SLC24A3: variants seen among roughly 807,000 people sequenced by gnomAD.
The protein encoded by SLC24A3 is sodium/potassium/calcium exchanger 3.
In SLC24A3, 28 loss-of-function variants were observed where a neutral mutation model predicts 75.8. The ratio of observed to expected loss-of-function variants is 0.37; its 90% CI spans 0.27 to 0.51. SLC24A3 has a LOEUF of 0.51. Among genes scored for constraint, SLC24A3 ranks in the 20% least tolerant of loss-of-function variants. The pLI is 0.94. For synonymous variants in SLC24A3, 372 were observed against 334.1 expected (o/e 1.11, Z -1.24); for missense variants, 663 against 847.8 (o/e 0.78, Z 2.71).
intron 2 of SLC24A3, among the ~76,000 whole-genome samples, chr20:19,367,851 T>C (rs1011891884): frequency 5.3e-5 from 8 of 152,218 alleles, no homozygotes; most frequent in African/African-American, 1.9e-4. Flanking sequence ...AAGCTAGTTC[T>C]GTTTTGGAAT....
chr20:19,424,810 A>C (rs543699217), intron 2 of SLC24A3, among the ~76,000 whole-genome samples: 1 of 149,970 alleles, frequency 6.7e-6, no homozygotes, highest in South Asian at 2.1e-4. Flanking sequence ...ACATTATCTT[A>C]CATAACCACA....
At chr20:19,319,258 C>T (rs916763543) in intron 2 of SLC24A3, among the ~76,000 whole-genome samples, 7 of 152,114 alleles carry the variant, frequency 4.6e-5, no homozygotes, top group South Asian at 2.1e-4. Flanking sequence ...ATTTTTGCTC[C>T]GTAAATATGC....
At chr20:19,369,793 A>G (rs2122354399) in intron 2 of SLC24A3, among the ~76,000 whole-genome samples, 1 of 152,312 alleles carries the variant, frequency 6.6e-6, no homozygotes, top group Admixed American at 6.5e-5. Flanking sequence ...TTGGGGCCTC[A>G]AAGGAACTGT....
chr20:19,541,278 G>A (rs570051219), intron 3 of SLC24A3, among the ~76,000 whole-genome samples: 13 of 152,190 alleles, frequency 8.5e-5, no homozygotes, highest in South Asian at 2.1e-4. Flanking sequence ...GCGGGGAGAC[G>A]TCTCTGGAAG....
chr20:19,713,496 T>C (rs2033011407), intron 15 of SLC24A3, among the ~76,000 whole-genome samples: 1 of 152,238 alleles, frequency 6.6e-6, no homozygotes, highest in Non-Finnish European at 1.5e-5. Flanking sequence ...ACTGGCCTCC[T>C]TATAATGCAT....
intron 2 of SLC24A3, among the ~76,000 whole-genome samples, chr20:19,383,712 C>G (rs1178651913): frequency 6.6e-6 from 1 of 152,184 alleles, no homozygotes; most frequent in Non-Finnish European, 1.5e-5. Context: ...TTCTTTCTCA[C>G]AGTTCTGGAG....
At chr20:19,317,570 C>G (rs1398548934) in intron 2 of SLC24A3, among the ~76,000 whole-genome samples, 1 of 152,190 alleles carries the variant, frequency 6.6e-6, no homozygotes, top group Non-Finnish European at 1.5e-5. Flanking sequence ...TCCTGTGACC[C>G]CAAAGGGTAA....
chr20:19,279,622 G>A (rs1983596805), intron 1 of SLC24A3, among the ~76,000 whole-genome samples: 1 of 151,988 alleles, frequency 6.6e-6, no homozygotes, highest in Admixed American at 6.6e-5. Flanking sequence ...GAAGGATATT[G>A]TGTTCTTCCA....
rs2033114723 is a variant in SLC24A3, at chr20:19,722,515, A to T, written c.*1375A>T. 6.5e-6 allele frequency: 1 copy of T among 152,692 alleles called. No individual in the cohort carries two copies. 9.5% of individuals were successfully genotyped at this position (152,692 alleles called of 1,614,324 possible). A position where few individuals can be genotyped will look rare whatever the true frequency, so the allele number is the denominator to read the frequency against. On this transcript the variant is annotated 3_prime_UTR_variant, in exon 17 of 17. Coordinates refer to ENST00000328041, the MANE Select transcript of SLC24A3 (RefSeq NM_020689.4). ...TGTATGATGCTGAATTATTATGCAGACTAATTCCACCCAGTTGAGACACAC... is the reference window on the plus strand; with the variant it reads ...TGTATGATGCTGAATTATTATGCAGTCTAATTCCACCCAGTTGAGACACAC...
chr20:19,477,970 A>G (rs1370206378), intron 2 of SLC24A3, among the ~76,000 whole-genome samples: 1 of 152,206 alleles, frequency 6.6e-6, no homozygotes, highest in Non-Finnish European at 1.5e-5. Context: ...CCAGAAATAG[A>G]ATGCCCAGGT....
intron 3 of SLC24A3, among the ~76,000 whole-genome samples, chr20:19,545,204 A>G (rs1452691533): frequency 6.6e-6 from 1 of 152,220 alleles, no homozygotes; most frequent in Non-Finnish European, 1.5e-5. Flanking sequence ...GTGGGTGAGA[A>G]GGCAGCACAT....
chr20:19,578,896 C>T (rs182378433), intron 3 of SLC24A3, among the ~76,000 whole-genome samples: 1 of 152,096 alleles, frequency 6.6e-6, no homozygotes, highest in African/African-American at 2.4e-5. Flanking sequence ...GGGTCAACTT[C>T]CTCTCAAGTC....
intron 8 of SLC24A3, among the ~76,000 whole-genome samples, chr20:19,666,822 C>T (rs964937273): frequency 2.3e-4 from 35 of 152,304 alleles, no homozygotes; most frequent in African/African-American, 8.2e-4. Context: ...TATGGCAAGA[C>T]ATTTGCATTT....
At chr20:19,604,891 C>A (rs777802939) in intron 6 of SLC24A3, among the ~76,000 whole-genome samples, 1 of 152,064 alleles carries the variant, frequency 6.6e-6, no homozygotes, top group Non-Finnish European at 1.5e-5. Context: ...CAGGCTTAAC[C>A]GCCTTCTCCT....
At chr20:19,346,272 G>C (rs1985418542) in intron 2 of SLC24A3, among the ~76,000 whole-genome samples, 1 of 99,202 alleles carries the variant, frequency 1.0e-5, no homozygotes, top group East Asian at 2.4e-4. Context: ...TATATATATG[G>C]TGTATATATA....
intron 6 of SLC24A3, among the ~76,000 whole-genome samples, chr20:19,643,619 C>T (rs1201880820): frequency 6.6e-6 from 1 of 152,190 alleles, no homozygotes; most frequent in Non-Finnish European, 1.5e-5. Context: ...ATATTATAGA[C>T]ATCAAATGCC....
chr20:19,618,749 C>T (rs1006062967), intron 6 of SLC24A3, among the ~76,000 whole-genome samples: 9 of 152,184 alleles, frequency 5.9e-5, no homozygotes, highest in African/African-American at 2.2e-4. Context: ...GTTAATACCT[C>T]GTGAGTTAGG....
chr20:19,539,770 T>A (rs866608348), intron 3 of SLC24A3, among the ~76,000 whole-genome samples: 1 of 152,186 alleles, frequency 6.6e-6, no homozygotes, highest in African/African-American at 2.4e-5. Context: ...GGGAAAATTA[T>A]CTGTTTTGAC....
At chr20:19,225,107 C>T (rs1269058162) in intron 1 of SLC24A3, among the ~76,000 whole-genome samples, 1 of 152,180 alleles carries the variant, frequency 6.6e-6, no homozygotes, top group Non-Finnish European at 1.5e-5. Context: ...GTTGTAACCT[C>T]ATATAACCAT....
Sources: allele counts gnomAD v4.1 joint callset (sites outside exome capture counted in the v4.1 genomes callset), GRCh38; gene constraint gnomAD v4.1.1; transcripts MANE v1.5; gene names NCBI Gene and HGNC (gene_info 2026-07-23, HGNC 2026-07-21).